The following SLC26A8 variants were observed in gnomAD, a reference collection of about 807,000 sequenced individuals.
SLC26A8 encodes testis anion transporter 1.
A neutral mutation model predicts 105.0 loss-of-function variants in SLC26A8; 70 were observed. The observed-to-expected ratio is 0.67, with a 90% CI of 0.55 to 0.81. The LOEUF is 0.81. Ranked by LOEUF, SLC26A8 falls within the 40% of genes least tolerant of loss-of-function variation. The pLI, the probability that SLC26A8 is intolerant of heterozygous loss-of-function variation, is 0.00. For synonymous variants in SLC26A8, 415 were observed against 438.3 expected (o/e 0.95, Z 0.66); for missense variants, 998 against 1,181.8 (o/e 0.84, Z 2.28).
rs182591089 is a variant in SLC26A8 at position 36,010,727 on chromosome 6, T to C, written c.328+1506A>G. Among the ~76,000 whole-genome samples, 1,393 of 151,760 alleles carry C rather than the reference T, an allele frequency of 9.2e-3. 15 individuals carry two copies. The highest frequency in any genetic ancestry group is 0.032 in the African/African-American group (1,317 of 41,346). On this transcript the variant is annotated intron_variant, in intron 3 of 19. Coordinates refer to ENST00000490799, the MANE Select transcript of SLC26A8 (RefSeq NM_052961.4). Reference sequence around the variant, plus strand: ...CTAATTTTTGTATTTTTAGTAGAGATGGGGTTTCACTATGTTGCCCAGGCT... The same window carrying C: ...CTAATTTTTGTATTTTTAGTAGAGACGGGGTTTCACTATGTTGCCCAGGCT...
intron 2 of SLC26A8, among the ~76,000 whole-genome samples, chr6:36,014,538 C>T (rs1761944454): frequency 6.6e-6 from 1 of 152,056 alleles, no homozygotes; most frequent in African/African-American, 2.4e-5. Context: ...AAGAGGTTTT[C>T]TGCAGAAAGG....
chr6:35,962,183 G>A (rs184972344), intron 12 of SLC26A8, among the ~76,000 whole-genome samples: 3 of 149,670 alleles, frequency 2.0e-5, no homozygotes, highest in Admixed American at 6.7e-5. Flanking sequence ...CTGAGATCAC[G>A]CCACTGCACT....
At chr6:36,019,894 G>A (rs1478948646) in intron 1 of SLC26A8, among the ~76,000 whole-genome samples, 185 bp from the exon 2 acceptor site, 2 of 152,206 alleles carry the variant, frequency 1.3e-5, no homozygotes, top group Non-Finnish European at 2.9e-5. Flanking sequence ...TTCAAATGGA[G>A]ACAACAAAAC....
chr6:35,994,845 G>A (rs10947585), intron 5 of SLC26A8, among the ~76,000 whole-genome samples: 15,950 of 152,200 alleles, frequency 0.1, 944 homozygotes, highest in Middle Eastern at 0.15. Flanking sequence ...CCAAAGTGCC[G>A]GAATTACAGG....
At chr6:35,974,728 G>T (rs1772928988) in intron 10 of SLC26A8, among the ~76,000 whole-genome samples, 1 of 152,024 alleles carries the variant, frequency 6.6e-6, no homozygotes. Flanking sequence ...AAGTTTACCA[G>T]AAATATTCTT....
chr6:36,007,724 A>C (rs1262705968), intron 3 of SLC26A8, among the ~76,000 whole-genome samples: 1 of 152,218 alleles, frequency 6.6e-6, no homozygotes, highest in Admixed American at 6.5e-5. Context: ...AGACACATAG[A>C]TCAATGGAAC....
intron 4 of SLC26A8, among the ~76,000 whole-genome samples, chr6:35,998,339 T>C (rs1344524543): frequency 1.3e-5 from 2 of 152,110 alleles, no homozygotes; most frequent in African/African-American, 4.8e-5. Flanking sequence ...GTGGATCACC[T>C]GAGATCAGGA....
intron 19 of SLC26A8, among the ~76,000 whole-genome samples, chr6:35,947,434 AAT>A (rs2127285801): frequency 6.6e-6 from 1 of 152,338 alleles, no homozygotes; most frequent in Non-Finnish European, 1.5e-5. Flanking sequence ...TTAATGCAAT[AAT>A]ATATGATATT....
intron 7 of SLC26A8, among the ~76,000 whole-genome samples, chr6:35,982,729 TTAGTTC>T (rs1773325549): frequency 2.0e-5 from 3 of 152,232 alleles, no homozygotes; most frequent in Admixed American, 2.0e-4. Context: ...TCAAAAGTTT[TTAGTTC>T]CAGGTACATT....
Position 35,975,444 on chromosome 6 carries a change from G to A in SLC26A8, c.1218C>T (p.Phe406=). ...TAGCACCAGTAAACACACAAGATCTGAAAAATGAACTGACGACATTGCAAA... is the reference window on the plus strand; with the variant it reads ...TAGCACCAGTAAACACACAAGATCTAAAAAATGAACTGACGACATTGCAAA... The part of the protein sequence containing the change: ...IGLCNVVSSF[F]RSCVFTGAIA... The change falls in exon 10 of 20, where the codon TTC becomes TTT. Residue 406 remains phenylalanine, a synonymous_variant. Transcript: ENST00000490799. 6.2e-7 allele frequency: 1 copy of A among 1,613,598 alleles called. No individual in the cohort carries two copies. Among genetic ancestry groups the A allele is most frequent in the Non-Finnish European group, 8.5e-7 (1 of 1,179,774 alleles).
chr6:35,977,285 T>A lies in SLC26A8; in HGVS notation c.1092A>T (p.Leu364Phe), dbSNP rs766782790. Residue 364 changes from leucine to phenylalanine, a missense_variant, in exon 9 of 20, where the codon TTA becomes TTT. Coordinates refer to ENST00000490799, the MANE Select transcript of SLC26A8 (RefSeq NM_052961.4). ...TGAGCAGAAAGGAGCTCACCAAAGA[T>A]AAGGAGAAGGCTTGTAAAATTATCT... is the stretch of plus-strand genomic sequence containing the variant. ...LPKIILQAFS[L>F]SLVSSFLLIF... The A allele has an allele frequency of 6.2e-7, 1 of 1,614,016 alleles. No individual in the cohort carries two copies. The highest frequency in any genetic ancestry group is 1.7e-5 in the Admixed American group (1 of 60,004).
intron 17 of SLC26A8, among the ~76,000 whole-genome samples, chr6:35,954,079 G>A (rs1016229866): frequency 1.3e-5 from 2 of 152,198 alleles, no homozygotes; most frequent in Non-Finnish European, 2.9e-5. Flanking sequence ...ACAGAGTGCT[G>A]TAAACTGGGA....
intron 7 of SLC26A8, among the ~76,000 whole-genome samples, chr6:35,983,301 T>C (rs763323041): frequency 6.6e-6 from 1 of 152,216 alleles, no homozygotes; most frequent in Non-Finnish European, 1.5e-5. Flanking sequence ...AAGGAACTCT[T>C]ATTTCCAGTT....
intron 2 of SLC26A8, among the ~76,000 whole-genome samples, chr6:36,014,583 T>TAA (rs145366980): frequency 6.6e-6 from 1 of 151,936 alleles, no homozygotes; most frequent in African/African-American, 2.4e-5. Flanking sequence ...TCATTTACAT[T>TAA]AAAAAAACTC....
rs191810142 is a variant in SLC26A8 at position 35,957,666 on chromosome 6, G to T, written c.1863+1794C>A. 4.0e-5 allele frequency among the ~76,000 whole-genome samples: 6 copies of T among 151,316 alleles called. No homozygotes were observed. In the East Asian group the frequency reaches 1.2e-3, roughly 29 times the overall value. ...TTGTTGCCCAGGCTAGAGTGCAGTG[G>T]CACAGATTCTGGCTCACTGAACTTC... On this transcript the variant is annotated intron_variant, in intron 16 of 19. Transcript: ENST00000490799.
intron 12 of SLC26A8, among the ~76,000 whole-genome samples, 187 bp from the exon 13 acceptor site, chr6:35,961,286 C>A (rs1348055344): frequency 6.6e-6 from 1 of 152,162 alleles, no homozygotes; most frequent in Non-Finnish European, 1.5e-5. Flanking sequence ...CCTAGCAATT[C>A]TTTTATGCAT....
chr6:35,974,240 C>T (rs1400227160), intron 10 of SLC26A8, among the ~76,000 whole-genome samples: 7 of 152,184 alleles, frequency 4.6e-5, no homozygotes, highest in Admixed American at 4.6e-4. Context: ...ATCACTTGAG[C>T]CTGGGAGGCG....
chr6:36,008,295 A>AAAAACAAAACAAAAC (rs147488560), intron 3 of SLC26A8, among the ~76,000 whole-genome samples: 14 of 152,036 alleles, frequency 9.2e-5, no homozygotes, highest in Non-Finnish European at 1.3e-4. Context: ...TCCTGTCTCT[A>AAAAACAAAACAAAAC]AAAACAAAAC....
chr6:35,994,153 C>T (rs1330524845), intron 5 of SLC26A8, among the ~76,000 whole-genome samples: 7 of 130,018 alleles, frequency 5.4e-5, no homozygotes, highest in African/African-American at 8.8e-5. Flanking sequence ...CTTGCTCTGT[C>T]GCCCAGGCTG....
Sources: allele counts gnomAD v4.1 joint callset (sites outside exome capture counted in the v4.1 genomes callset), GRCh38; gene constraint gnomAD v4.1.1; transcripts MANE v1.5; gene names NCBI Gene and HGNC (gene_info 2026-07-23, HGNC 2026-07-21).